The following LYPLAL1 variants were observed in gnomAD, a reference collection of about 807,000 sequenced individuals.
LYPLAL1 encodes lysophospholipase like 1, also known as lysophospholipase-like protein 1.
Under a neutral mutation model 19.7 loss-of-function variants are expected in LYPLAL1, and 23 were observed. The observed-to-expected ratio is 1.17, with a 90% confidence interval of 0.84 to 1.65. The LOEUF is 1.65. Ranked by LOEUF, LYPLAL1 falls within the 40% of genes most tolerant of loss-of-function variation. The pLI is 0.00. For missense variants in LYPLAL1, 355 were observed against 279.4 expected, an observed-to-expected ratio of 1.27 and a Z score of -1.93; for synonymous variants, 119 against 96.3, an observed-to-expected ratio of 1.24 and a Z score of -1.38.
At chr1:219,238,288 C>T in the LYPLAL1 span, among the ~76,000 whole-genome samples, 1 of 147,536 alleles carries the variant, frequency 6.8e-6, no homozygotes, top group Non-Finnish European at 1.5e-5. Flanking sequence ...CAGGCACCCG[C>T]CACCGCGCCC....
At chr1:219,194,781 T>G (rs934181440) in intron 3 of LYPLAL1, among the ~76,000 whole-genome samples, 2 of 152,056 alleles carry the variant, frequency 1.3e-5, no homozygotes, top group African/African-American at 4.8e-5. Flanking sequence ...GAGAAAGATT[T>G]AATAGAAAGA....
chr1:219,215,911 C>A (rs1044367950), downstream of LYPLAL1, among the ~76,000 whole-genome samples: 4 of 152,120 alleles, frequency 2.6e-5, no homozygotes, highest in Non-Finnish European at 4.4e-5. Context: ...GTTACTACAT[C>A]ACAGCTAGAA....
the LYPLAL1 span, among the ~76,000 whole-genome samples, chr1:219,322,332 A>G: frequency 1.3e-5 from 2 of 152,176 alleles, no homozygotes; most frequent in Non-Finnish European, 2.9e-5. Context: ...TAGGAGCTGC[A>G]GCAGTGTGAT....
the LYPLAL1 span, among the ~76,000 whole-genome samples, chr1:219,283,704 A>G: frequency 6.6e-6 from 1 of 152,230 alleles, no homozygotes; most frequent in Non-Finnish European, 1.5e-5. Flanking sequence ...GAACCATAGA[A>G]GCATTCAAGT....
At chr1:219,174,307 A>T in intron 1 of LYPLAL1, 1 of 1,196,460 alleles carries the variant, frequency 8.4e-7, no homozygotes, top group Non-Finnish European at 1.0e-6. Context: ...TTAGTAAGGT[A>T]AGTCTTCTGC....
chr1:219,306,819 G>GAT, the LYPLAL1 span, among the ~76,000 whole-genome samples: 37 of 89,588 alleles, frequency 4.1e-4, no homozygotes, highest in East Asian at 3.2e-3. Flanking sequence ...GATATAGATA[G>GAT]ATAGATAGAT....
chr1:219,202,536 T>C (rs1246800341), intron 3 of LYPLAL1, among the ~76,000 whole-genome samples: 1 of 152,244 alleles, frequency 6.6e-6, no homozygotes, highest in Non-Finnish European at 1.5e-5. Flanking sequence ...TCTATTAGGG[T>C]ACATTTAAGT....
At chr1:219,174,153 C>A in intron 1 of LYPLAL1, 172 bp downstream of exon 1, 2 of 1,440,758 alleles carry the variant, frequency 1.4e-6, no homozygotes, top group Non-Finnish European at 1.8e-6. Context: ...CTGCCCCCAG[C>A]CTCCCCCGTT....
At chr1:219,321,625 G>T in the LYPLAL1 span, among the ~76,000 whole-genome samples, 2 of 152,198 alleles carry the variant, frequency 1.3e-5, no homozygotes, top group African/African-American at 4.8e-5. Context: ...TGTAAAAGGT[G>T]TAAGGAAGGG....
intron 3 of LYPLAL1, among the ~76,000 whole-genome samples, chr1:219,205,295 TG>T (rs1394228881): frequency 3.4e-5 from 5 of 145,362 alleles, no homozygotes; most frequent in African/African-American, 1.3e-4. Context: ...AAGCGGAGCT[TG>T]CAGTGAGCCG....
At chr1:219,282,300 TAAAG>T in the LYPLAL1 span, among the ~76,000 whole-genome samples, 1 of 151,202 alleles carries the variant, frequency 6.6e-6, no homozygotes, top group Non-Finnish European at 1.5e-5. Context: ...GAACAAAAAT[TAAAG>T]AAGAGAGAAA....
intron 2 of LYPLAL1, among the ~76,000 whole-genome samples, chr1:219,180,806 A>C (rs1656213542): frequency 6.6e-6 from 1 of 152,222 alleles, no homozygotes; most frequent in African/African-American, 2.4e-5. Context: ...TAGGAATTCT[A>C]GGCAGTATTT....
At chr1:219,197,869 CAT>C (rs1281612337) in intron 3 of LYPLAL1, among the ~76,000 whole-genome samples, 1 of 151,894 alleles carries the variant, frequency 6.6e-6, no homozygotes, top group Non-Finnish European at 1.5e-5. Flanking sequence ...GTTAAACACA[CAT>C]ATAAAAACAG....
chr1:219,241,132 C>CTA, the LYPLAL1 span, among the ~76,000 whole-genome samples: 404 of 57,472 alleles, frequency 7.0e-3, 1 homozygote, highest in African/African-American at 0.011. Context: ...CTCTCTCTCT[C>CTA]TCTATATATA....
At chr1:219,335,198 C>A in the LYPLAL1 span, among the ~76,000 whole-genome samples, 54 of 151,964 alleles carry the variant, frequency 3.6e-4, no homozygotes, top group Non-Finnish European at 7.2e-4. Flanking sequence ...TTTCAATTAC[C>A]ACCTGTATTT....
At chr1:219,359,197 C>T in the LYPLAL1 span, among the ~76,000 whole-genome samples, 1 of 152,152 alleles carries the variant, frequency 6.6e-6, no homozygotes, top group Non-Finnish European at 1.5e-5. Context: ...ATTTACATTT[C>T]TGGCTAATTA....
At chr1:219,355,059 A>T in the LYPLAL1 span, among the ~76,000 whole-genome samples, 1 of 152,226 alleles carries the variant, frequency 6.6e-6, no homozygotes, top group African/African-American at 2.4e-5. Flanking sequence ...ACTGTGTTAA[A>T]TCTAAAGATG....
chr1:219,202,200 T>A (rs1658164392), intron 3 of LYPLAL1, among the ~76,000 whole-genome samples: 1 of 152,222 alleles, frequency 6.6e-6, no homozygotes, highest in Non-Finnish European at 1.5e-5. Context: ...AATATCTACC[T>A]TTTAAAGTTG....
At chr1:219,253,131 C>G in the LYPLAL1 span, among the ~76,000 whole-genome samples, 36 of 151,810 alleles carry the variant, frequency 2.4e-4, no homozygotes, top group African/African-American at 8.4e-4. Flanking sequence ...ACAGTAGTAA[C>G]GTTCCCTTTG....
Sources: gnomAD v4.1 joint callset for allele counts (sites outside exome capture counted in the v4.1 genomes callset) on GRCh38, gnomAD v4.1.1 for gene constraint, MANE v1.5 for transcripts, NCBI Gene and HGNC (gene_info 2026-07-23, HGNC 2026-07-21) for gene names.